Variants in XPNPEP2 observed in about 807,000 individuals in gnomAD.
XPNPEP2 encodes xaa-Pro aminopeptidase 2.
Under a neutral mutation model 59.8 loss-of-function variants are expected in XPNPEP2, and 64 were observed. The observed-to-expected ratio is 1.07, with a 90% CI of 0.87 to 1.32. XPNPEP2 has a LOEUF of 1.32. Ranked by LOEUF, XPNPEP2 falls within the 40% of genes most tolerant of loss-of-function variation. The pLI, the probability that XPNPEP2 is intolerant of heterozygous loss-of-function variation, is 0.00. For missense variants in XPNPEP2, 575 were observed against 546.8 expected (o/e 1.05, Z -0.51); for synonymous variants, 235 against 210.0 (o/e 1.12, Z -1.03).
rs777479445 is a variant in XPNPEP2, at chrX:129,768,592, C to T, written c.*107C>T. 3.2e-4 allele frequency: 229 copies of T among 717,004 alleles called. No individual in the cohort carries two copies. In the African/African-American group the frequency reaches 4.8e-3, roughly 15 times the overall value. 59.1% of individuals were successfully genotyped at this position (717,004 alleles called of 1,213,427 possible). The stretch of plus-strand genomic sequence containing the variant: ...CCCAAGAGCCCCTGCTGGCCCATTG[C>T]CTAGAAACCTTTGCATTCATCCTCC... On this transcript the variant is annotated 3_prime_UTR_variant, in exon 21 of 21. Transcript: ENST00000371106.
At position 129,768,478 on chromosome X, in the gene XPNPEP2, G is replaced by A; in HGVS notation, c.2018G>A (p.Ser673Asn). The part of the protein sequence containing the change: ...VVSTLAILGW[S>N]V The stretch of plus-strand genomic sequence containing the variant: ...TCCACCCTTGCCATCCTTGGCTGGA[G>A]TGTCTAGAGGCTCCAGACTCTCCTG... The change falls in exon 21 of 21, where the codon AGT (serine) becomes AAT (asparagine). Residue 673 changes from serine to asparagine, a missense_variant. By Grantham distance (46) the Ser-to-Asn change is conservative. Transcript: ENST00000371106. 1 of 1,168,858 alleles carries A rather than the reference G, an allele frequency of 8.6e-7. No homozygotes were observed. Among genetic ancestry groups the A allele is most frequent in the Middle Eastern group, 2.4e-4 (1 of 4,157 alleles).
At chrX:129,760,419 G>A (rs1661704707) in intron 15 of XPNPEP2, 93 bp from the exon 16 acceptor site, 1 of 938,060 alleles carries the variant, frequency 1.1e-6, no homozygotes, top group Non-Finnish European at 1.5e-6. Context: ...ACCCAGGCCT[G>A]GGCCCTGCAC....
At chrX:129,750,936 C>T (rs1034508902) in intron 8 of XPNPEP2, among the ~76,000 whole-genome samples, 9 of 111,432 alleles carry the variant, frequency 8.1e-5, no homozygotes, top group Non-Finnish European at 5.7e-5. Context: ...CCCAGTGGGA[C>T]TCTACTCTTT....
chrX:129,741,844 A>C (rs190012643), intron 1 of XPNPEP2, among the ~76,000 whole-genome samples: 1 of 112,693 alleles, frequency 8.9e-6, no homozygotes, highest in East Asian at 2.8e-4. Context: ...TTAGAAGAAA[A>C]ATTGATTTAA....
intron 14 of XPNPEP2, among the ~76,000 whole-genome samples, chrX:129,756,895 C>G (rs1002567357): frequency 9.5e-6 from 1 of 105,252 alleles, no homozygotes; most frequent in South Asian, 4.4e-4. Context: ...TGCAGTGGCG[C>G]GATCTTGGCT....
chrX:129,745,338 C>A, intron 4 of XPNPEP2, 72 bp downstream of exon 4: 3 of 1,138,897 alleles, frequency 2.6e-6, no homozygotes, highest in Non-Finnish European at 2.4e-6. Flanking sequence ...CCTAATGTGG[C>A]TAGTGTCTCA....
intron 1 of XPNPEP2, 26 bp from the exon 2 acceptor site, chrX:129,742,082 C>A: frequency 8.3e-7 from 1 of 1,201,298 alleles, no homozygotes. Context: ...CCCCAAATGA[C>A]CCTGGATTTT....
chrX:129,749,594 C>T (rs984246783), intron 7 of XPNPEP2, among the ~76,000 whole-genome samples: 15 of 113,260 alleles, frequency 1.3e-4, no homozygotes, highest in African/African-American at 4.8e-4. Context: ...TTATGGCCTT[C>T]GGCCAGCAAA....
chrX:129,753,126 C>T lies in XPNPEP2; in HGVS notation c.1018-33C>T, dbSNP rs181436426. 10 of 1,177,241 alleles carry T rather than the reference C, an allele frequency of 8.5e-6. No homozygotes were observed. In the East Asian group the frequency reaches 3.0e-4, roughly 35 times the overall value. ...TACTGTGCCCCCAGACCTGTGCCCC[C>T]AGACCTCCTTTTCTCCTCCCTGCCC... On this transcript the variant is annotated intron_variant, in intron 10 of 20. Transcript: ENST00000371106.
intron 14 of XPNPEP2, among the ~76,000 whole-genome samples, chrX:129,756,996 CT>C (rs1926530863): frequency 1.4e-5 from 1 of 70,423 alleles, no homozygotes; most frequent in African/African-American, 5.3e-5. Flanking sequence ...CCATGCCCAG[CT>C]ATATATATAT....
chrX:129,767,112 G>A (rs761043984), intron 19 of XPNPEP2, among the ~76,000 whole-genome samples: 2 of 111,204 alleles, frequency 1.8e-5, no homozygotes, highest in Non-Finnish European at 3.8e-5. Context: ...TACTTGGAAG[G>A]CTGAGGTAGA....
rs1157899421 is a variant in XPNPEP2 at position 129,745,278 on chromosome X, T to C, written c.298+12T>C. ...TACAGGGTCTGCAGGTGACAATCAT[T>C]ACCCAGCCCCATTGCTTTTGTTGGT... On this transcript the variant is annotated intron_variant, in intron 4 of 20. Transcript: ENST00000371106. 8.3e-7 allele frequency: 1 copy of C among 1,211,180 alleles called. No homozygotes were observed. The highest frequency in any genetic ancestry group is 2.3e-4 in the Middle Eastern group (1 of 4,341).
intron 4 of XPNPEP2, 99 bp downstream of exon 4, chrX:129,745,365 A>G: frequency 1.0e-6 from 1 of 986,827 alleles, no homozygotes; most frequent in Non-Finnish European, 1.4e-6. Context: ...GGGACCCCAG[A>G]ACCTACTGTA....
intron 19 of XPNPEP2, among the ~76,000 whole-genome samples, chrX:129,765,635 C>CTTTTTTTTTTTTTTTTTTTTTTTTTTT (rs56014067): frequency 5.9e-5 from 4 of 67,344 alleles, no homozygotes; most frequent in Non-Finnish European, 8.1e-5. Context: ...TTCTTTCTTT[C>CTTTTTTTTTTTTTTTTTTTTTTTTTTT]TTTTTTTTTT....
chrX:129,742,037 G>A (rs1173635109), intron 1 of XPNPEP2, 71 bp from the exon 2 acceptor site: 8 of 1,050,982 alleles, frequency 7.6e-6, no homozygotes, highest in Admixed American at 2.3e-5. Flanking sequence ...GGCGGGCTGA[G>A]AGGATACTCC....
intron 12 of XPNPEP2, among the ~76,000 whole-genome samples, chrX:129,754,913 G>A (rs1926490333): frequency 9.0e-6 from 1 of 111,700 alleles, no homozygotes; most frequent in Non-Finnish European, 1.9e-5. Context: ...TGGACCACTT[G>A]AGAATACCAG....
chrX:129,750,482 G>A lies in XPNPEP2; in HGVS notation c.652G>A (p.Glu218Lys), dbSNP rs779687540. ...QEAFTGSTWQEKVSGVRSQMQ... is the reference protein window; with the variant it reads ...QEAFTGSTWQKKVSGVRSQMQ... ...TTTGCTTCTAGGGAGCACTTGGCAG[G>A]AGAAAGTATCTGGCGTCCGAAGCCA... Residue 218 changes from glutamate to lysine, a missense_variant, in exon 8 of 21, where the codon GAG becomes AAG. Physicochemically the swap from Glu to Lys is moderately conservative, Grantham distance 56 (BLOSUM62 1). Coordinates refer to ENST00000371106, the MANE Select transcript of XPNPEP2 (RefSeq NM_003399.6). 7.0e-5 allele frequency: 83 copies of A among 1,194,090 alleles called. No individual in the cohort carries two copies. The highest frequency in any genetic ancestry group is 1.7e-5 in the African/African-American group (1 of 57,244).
chrX:129,741,939 C>A (rs1203809191), intron 1 of XPNPEP2, among the ~76,000 whole-genome samples, 169 bp from the exon 2 acceptor site: 1 of 112,247 alleles, frequency 8.9e-6, no homozygotes, highest in Non-Finnish European at 1.9e-5. Flanking sequence ...CTATCCAGTT[C>A]AGCCTGATTT....
chrX:129,767,844 T>C, intron 20 of XPNPEP2, 152 bp downstream of exon 20: 1 of 568,619 alleles, frequency 1.8e-6, no homozygotes, highest in Non-Finnish European at 2.9e-6. Context: ...CCCCAGCTCA[T>C]CAGAGACCCC....
Sources: gnomAD v4.1 joint callset for allele counts (sites outside exome capture counted in the v4.1 genomes callset) on GRCh38, gnomAD v4.1.1 for gene constraint, MANE v1.5 for transcripts, NCBI Gene and HGNC (gene_info 2026-07-23, HGNC 2026-07-21) for gene names.